The following EFNB2 variants were observed in gnomAD, a reference collection of about 807,000 sequenced individuals.
The protein encoded by EFNB2 is ephrin-B2.
In EFNB2, 5 loss-of-function variants were observed where a neutral mutation model predicts 32.1. That is an observed-to-expected ratio of 0.16 (90% CI 0.08 to 0.33). The LOEUF is 0.33. EFNB2 is among the 10% of genes least tolerant of loss of function. The pLI, the probability that EFNB2 is intolerant of heterozygous loss-of-function variation, is 1.00. For synonymous variants in EFNB2, 168 were observed against 166.5 expected, an observed-to-expected ratio of 1.01 and a Z score of -0.07; for missense variants, 263 against 422.6, an observed-to-expected ratio of 0.62 and a Z score of 3.31.
intron 3 of EFNB2, 140 bp downstream of exon 3, chr13:106,495,608 G>C (rs2138899575): frequency 2.7e-6 from 2 of 754,642 alleles, no homozygotes; most frequent in East Asian, 2.6e-5. Flanking sequence ...AAATCTGTCA[G>C]TGGCTCAAAG....
At chr13:106,514,298 G>C (rs917158761) in intron 1 of EFNB2, among the ~76,000 whole-genome samples, 5 of 152,120 alleles carry the variant, frequency 3.3e-5, no homozygotes, top group Non-Finnish European at 7.4e-5. Flanking sequence ...GTGTACTGTT[G>C]AAGAATTCTC....
At chr13:106,501,849 C>T (rs962828308) in intron 2 of EFNB2, among the ~76,000 whole-genome samples, 7 of 152,182 alleles carry the variant, frequency 4.6e-5, no homozygotes, top group Non-Finnish European at 1.0e-4. Flanking sequence ...GCCTCGGCCT[C>T]CCAAAGTGCT....
chr13:106,508,211 T>C (rs183383737), intron 2 of EFNB2, among the ~76,000 whole-genome samples: 1 of 152,304 alleles, frequency 6.6e-6, no homozygotes, highest in East Asian at 1.9e-4. Flanking sequence ...CAGAAAATGC[T>C]GCAAAGAAAA....
At chr13:106,527,958 G>A (rs1256996693) in intron 1 of EFNB2, among the ~76,000 whole-genome samples, 1 of 152,192 alleles carries the variant, frequency 6.6e-6, no homozygotes, top group Non-Finnish European at 1.5e-5. Context: ...ACCAGTCTGC[G>A]TTTGAAAAGC....
intron 2 of EFNB2, 130 bp downstream of exon 2, chr13:106,512,399 G>GGGC: frequency 3.3e-6 from 2 of 597,922 alleles, no homozygotes; most frequent in Non-Finnish European, 2.4e-6. Flanking sequence ...AAAAGGGGGG[G>GGGC]GGGACAATTT....
intron 3 of EFNB2, among the ~76,000 whole-genome samples, chr13:106,495,545 T>A (rs565312648): frequency 6.6e-6 from 1 of 152,302 alleles, no homozygotes; most frequent in African/African-American, 2.4e-5. Flanking sequence ...CATTCTACCT[T>A]GCTGATCTTA....
intron 1 of EFNB2, among the ~76,000 whole-genome samples, chr13:106,524,887 A>C (rs997378827): frequency 1.3e-5 from 2 of 152,256 alleles, no homozygotes; most frequent in African/African-American, 4.8e-5. Flanking sequence ...TTCATGTAGC[A>C]GAAAGTCATA....
Position 106,512,825 on chromosome 13 carries a change from G to GA in EFNB2, c.123-14dup. 19 of 1,532,892 alleles carry GA rather than the reference G, an allele frequency of 1.2e-5. No individual in the cohort carries two copies. The highest frequency in any genetic ancestry group is 2.1e-5 in the Admixed American group (1 of 48,692). 95.0% of individuals were successfully genotyped at this position (1,532,892 alleles called of 1,614,324 possible). On this transcript the variant is annotated splice_polypyrimidine_tract_variant and intron_variant, in intron 1 of 4. Coordinates refer to ENST00000646441, the MANE Select transcript of EFNB2 (RefSeq NM_004093.4). Reference sequence around the variant, plus strand: ...TCCAGGTAGAAATCTAAAAGCATAAGAAAAAAAAGCCATTGAGTTGATAAA... The same window carrying GA: ...TCCAGGTAGAAATCTAAAAGCATAAGAAAAAAAAAGCCATTGAGTTGATAAA...
intron 4 of EFNB2, among the ~76,000 whole-genome samples, chr13:106,494,341 A>C (rs1304681887): frequency 6.6e-6 from 1 of 152,218 alleles, no homozygotes; most frequent in Admixed American, 6.5e-5. Context: ...AACGACGGAC[A>C]ATTTTATCTG....
intron 2 of EFNB2, among the ~76,000 whole-genome samples, chr13:106,505,744 A>G (rs1248458998): frequency 6.6e-6 from 1 of 152,204 alleles, no homozygotes; most frequent in African/African-American, 2.4e-5. Context: ...AGCATTGTCC[A>G]ATTATTTATA....
intron 1 of EFNB2, among the ~76,000 whole-genome samples, chr13:106,528,683 G>A (rs1319597094): frequency 6.6e-6 from 1 of 152,156 alleles, no homozygotes; most frequent in South Asian, 2.1e-4. Context: ...GGCTTGACCC[G>A]ATTGCGGATG....
At chr13:106,512,857 C>A in intron 1 of EFNB2, 45 bp from the exon 2 acceptor site, 1 of 1,500,942 alleles carries the variant, frequency 6.7e-7, no homozygotes, top group Non-Finnish European at 8.9e-7. Flanking sequence ...TAAAAATTAA[C>A]AGTATTAATG....
At chr13:106,502,276 A>G (rs963634211) in intron 2 of EFNB2, among the ~76,000 whole-genome samples, 4 of 152,344 alleles carry the variant, frequency 2.6e-5, no homozygotes, top group Non-Finnish European at 5.9e-5. Flanking sequence ...AAATTGAGTC[A>G]CAGTTTAGAA....
chr13:106,532,484 A>C (rs559636957), intron 1 of EFNB2, among the ~76,000 whole-genome samples: 1 of 152,340 alleles, frequency 6.6e-6, no homozygotes, highest in Admixed American at 6.5e-5. Context: ...TTCCTCTGGA[A>C]ATAAATATAA....
intron 2 of EFNB2, among the ~76,000 whole-genome samples, chr13:106,507,571 TA>T (rs1430790888): frequency 6.6e-6 from 1 of 152,114 alleles, no homozygotes; most frequent in Non-Finnish European, 1.5e-5. Context: ...AGTACATGTC[TA>T]AAAAATAGCA....
intron 1 of EFNB2, chr13:106,516,864 A>AAT (rs1312065926): frequency 1.3e-5 from 2 of 152,226 alleles, no homozygotes; most frequent in Admixed American, 1.3e-4. Context: ...TTTTACATTT[A>AAT]ATATTACATA....
At chr13:106,533,996 T>C (rs1350464076) in intron 1 of EFNB2, among the ~76,000 whole-genome samples, 1 of 152,018 alleles carries the variant, frequency 6.6e-6, no homozygotes, top group Non-Finnish European at 1.5e-5. Context: ...GGCTGTAGAG[T>C]CCGGTAAGAG....
Position 106,509,906 on chromosome 13 carries a change from G to C in EFNB2, c.406+2623C>G, listed in dbSNP as rs563726522. The C allele has an allele frequency of 2.6e-5, 4 of 152,126 alleles. No individual in the cohort carries two copies. The South Asian group carries it at 6.2e-4, about 24-fold the overall frequency. 9.4% of individuals were successfully genotyped at this position (152,126 alleles called of 1,614,324 possible). A position where few individuals can be genotyped will look rare whatever the true frequency, so the allele number is the denominator to read the frequency against. On this transcript the variant is annotated intron_variant, in intron 2 of 4. Coordinates refer to ENST00000646441, the MANE Select transcript of EFNB2 (RefSeq NM_004093.4). ...CCAAGTATCTGAAACGCCTTCCTCT[G>C]CCTACGCCATCGTGGAAGTCTTTCA...
chr13:106,500,849 T>TA (rs894793684), intron 2 of EFNB2, among the ~76,000 whole-genome samples: 3 of 151,908 alleles, frequency 2.0e-5, no homozygotes, highest in African/African-American at 7.3e-5. Flanking sequence ...ACTGAAGAAT[T>TA]AAAAAAAGCA....
Sources: gnomAD v4.1 joint callset for allele counts (sites outside exome capture counted in the v4.1 genomes callset) on GRCh38, gnomAD v4.1.1 for gene constraint, MANE v1.5 for transcripts, NCBI Gene and HGNC (gene_info 2026-07-23, HGNC 2026-07-21) for gene names.